Variants in GLT8D2 observed in about 807,000 individuals in gnomAD.
The protein encoded by GLT8D2 is glycosyltransferase 8 domain containing 2.
In GLT8D2, 45 loss-of-function variants were observed where a neutral mutation model predicts 44.5. That is an observed-to-expected ratio of 1.01 (90% CI 0.80 to 1.30). The LOEUF is 1.30. Among genes scored for constraint, GLT8D2 ranks in the 50% most tolerant of loss-of-function variants. The pLI is 0.00. For synonymous variants in GLT8D2, 156 were observed against 157.2 expected (o/e 0.99, Z 0.06); for missense variants, 400 against 430.4 (o/e 0.93, Z 0.62).
At chr12:104,020,857 A>G (rs1877534477) in intron 2 of GLT8D2, among the ~76,000 whole-genome samples, 1 of 152,224 alleles carries the variant, frequency 6.6e-6, no homozygotes, top group South Asian at 2.1e-4. Flanking sequence ...GCTGGATCAT[A>G]GTGGACCAAA....
At position 103,993,466 on chromosome 12, in the gene GLT8D2, G is replaced by A. The variant is rs926245417; in HGVS notation, c.806C>T (p.Ala269Val). ...LYSSSLGGGV[A>V]TSPMLIVFHG... ...AAACACAATCAGCATTGGGGAGGTG[G>A]CCACCCCTCCTCCCAGGGAGCTGCT... is the stretch of plus-strand genomic sequence containing the variant. Residue 269 changes from alanine to valine, a missense_variant, in exon 10 of 11, where the codon GCC (alanine) becomes GTC (valine). By Grantham distance (64) the Ala-to-Val change is moderately conservative. Transcript: ENST00000360814. The A allele has an allele frequency of 6.2e-7, 1 of 1,611,554 alleles. No homozygotes were observed. Among genetic ancestry groups the A allele is most frequent in the Non-Finnish European group, 8.5e-7 (1 of 1,178,874 alleles).
chr12:104,043,475 T>G (rs1455784304), intron 1 of GLT8D2, among the ~76,000 whole-genome samples: 2 of 152,262 alleles, frequency 1.3e-5, no homozygotes, highest in Middle Eastern at 6.8e-3. Flanking sequence ...TAGTTTTTAT[T>G]TTTATTTTTG....
chr12:104,032,459 G>A (rs1879376713), intron 1 of GLT8D2, among the ~76,000 whole-genome samples: 1 of 56,196 alleles, frequency 1.8e-5, no homozygotes, highest in Non-Finnish European at 3.1e-5. Context: ...GGAGTGATGT[G>A]CAATAGCAAA....
Position 103,997,483 on chromosome 12 carries a change from A to T in GLT8D2, c.455T>A (p.Val152Asp). Reference sequence around the variant, plus strand: ...AATTACATCATCGTCCAAATAGATGACTTTCTCGTGTTGGTGGATAAGTAG... The same window carrying T: ...AATTACATCATCGTCCAAATAGATGTCTTTCTCGTGTTGGTGGATAAGTAG... ...LPLLIHQHEK[V>D]IYLDDDVIVQ... The change falls in exon 7 of 11, where the codon GTC becomes GAC. Residue 152 changes from valine (V) to aspartate (D), a missense_variant. Val to Asp is a radical substitution (Grantham distance 152). Transcript: ENST00000360814. The T allele has an allele frequency of 1.2e-6, 2 of 1,613,846 alleles. No individual in the cohort carries two copies. Among genetic ancestry groups the T allele is most frequent in the South Asian group, 2.2e-5 (2 of 91,080 alleles).
intron 4 of GLT8D2, among the ~76,000 whole-genome samples, chr12:104,004,670 C>A (rs911728077): frequency 6.6e-6 from 1 of 152,148 alleles, no homozygotes; most frequent in Admixed American, 6.5e-5. Flanking sequence ...ATCCAACTTA[C>A]GAGAGATGTG....
upstream of GLT8D2, among the ~76,000 whole-genome samples, chr12:104,054,703 G>A (rs1414806533): frequency 6.6e-6 from 1 of 152,076 alleles, no homozygotes; most frequent in African/African-American, 2.4e-5. Context: ...GACATCTGCT[G>A]TCTAGTACTT....
At chr12:104,051,562 T>C (rs920331575), upstream of GLT8D2, among the ~76,000 whole-genome samples, 4 of 152,200 alleles carry the variant, frequency 2.6e-5, no homozygotes, top group Admixed American at 6.5e-5. Flanking sequence ...AATTAGCATA[T>C]CTATAATCTC....
chr12:104,025,074 A>C (rs1452764502), intron 1 of GLT8D2, among the ~76,000 whole-genome samples: 1 of 151,606 alleles, frequency 6.6e-6, no homozygotes, highest in Non-Finnish European at 1.5e-5. Flanking sequence ...TGTCAAAAAA[A>C]AAAAAAAAAA....
At chr12:104,060,395 A>G (rs1356259394) in intron 1 of GLT8D2, among the ~76,000 whole-genome samples, 2 of 152,158 alleles carry the variant, frequency 1.3e-5, no homozygotes, top group African/African-American at 4.8e-5. Flanking sequence ...CCTATTTTAG[A>G]TGCCTCCCTC....
chr12:104,063,551 T>C (rs1350731012), intron 1 of GLT8D2, among the ~76,000 whole-genome samples: 2 of 152,014 alleles, frequency 1.3e-5, no homozygotes, highest in Non-Finnish European at 2.9e-5. Flanking sequence ...AATAAATAAA[T>C]AAAAATAAAG....
chr12:104,003,877 G>A (rs7133472), intron 4 of GLT8D2, among the ~76,000 whole-genome samples: 3 of 152,092 alleles, frequency 2.0e-5, no homozygotes, highest in African/African-American at 2.4e-5. Flanking sequence ...AGAAATTCTC[G>A]AGTTTGCAGG....
chr12:104,060,457 A>T (rs571860878), intron 1 of GLT8D2, among the ~76,000 whole-genome samples: 1 of 152,336 alleles, frequency 6.6e-6, no homozygotes, highest in South Asian at 2.1e-4. Flanking sequence ...CCATTGGATT[A>T]TGTACTTTGT....
rs1323738384 is a variant in GLT8D2 at position 104,021,981 on chromosome 12, G to GA, written c.-163-491dup. Among the ~76,000 whole-genome samples the GA allele has an allele frequency of 1.7e-3, 113 of 66,890 alleles. 23 individuals carry two copies. Among genetic ancestry groups the GA allele is most frequent in the South Asian group, 4.0e-3 (7 of 1,742 alleles). The allele number at this position is 66,890 out of a possible 152,430, so 43.9% of individuals were successfully genotyped here. A position where few individuals can be genotyped will look rare whatever the true frequency, so the allele number is the denominator to read the frequency against. On this transcript the variant is annotated intron_variant, in intron 1 of 10. Transcript: ENST00000360814. ...GGAAGAAGAGGAAGAGGAAGAGGAAGAGGAAGAAGAAGAAGAAGAAGAAGA... is the reference window on the plus strand; with the variant it reads ...GGAAGAAGAGGAAGAGGAAGAGGAAGAAGGAAGAAGAAGAAGAAGAAGAAGA...
chr12:103,994,186 C>G lies in GLT8D2; in HGVS notation c.767+149G>C, dbSNP rs534180610. ...TTTGAGGAAAGGTTTTAATTGACTG[C>G]CCCCTTTTCTTTCTTAACATTGCCT... On this transcript the variant is annotated intron_variant, in intron 9 of 10. Coordinates refer to ENST00000360814, the MANE Select transcript of GLT8D2 (RefSeq NM_001384711.1). 1.0e-5 allele frequency: 6 copies of G among 600,618 alleles called. No individual in the cohort carries two copies. The South Asian group carries it at 1.8e-4, about 18-fold the overall frequency. The allele number at this position is 600,618 out of a possible 1,614,324, so 37.2% of individuals were successfully genotyped here.
intron 1 of GLT8D2, among the ~76,000 whole-genome samples, chr12:104,021,918 GAAGAAGAAGAAGAAGAA>G (rs1877762086): frequency 8.7e-5 from 2 of 23,024 alleles, no homozygotes; most frequent in African/African-American, 3.3e-4. Context: ...AGAAGAAGAA[GAAGAAGAAGAAGAAGAA>G]GAAGAAGAAG....
At position 103,996,900 on chromosome 12, in the gene GLT8D2, A is replaced by G. The variant is rs1259715817; in HGVS notation, c.488-53T>C. 6.2e-6 allele frequency: 8 copies of G among 1,288,712 alleles called. No individual in the cohort carries two copies. In the East Asian group the frequency reaches 6.9e-5, roughly 11 times the overall value. 79.8% of individuals were successfully genotyped at this position (1,288,712 alleles called of 1,614,324 possible). A position where few individuals can be genotyped will look rare whatever the true frequency, so the allele number is the denominator to read the frequency against. The stretch of plus-strand genomic sequence containing the variant: ...ACATTATAGCATTTGTTTTTGGGCT[A>G]GATAGAGCCTTAGAGCTTAAACAGC... On this transcript the variant is annotated intron_variant, in intron 7 of 10. Transcript: ENST00000360814.
At chr12:104,028,067 G>A (rs117560271) in intron 1 of GLT8D2, among the ~76,000 whole-genome samples, 122 of 152,308 alleles carry the variant, frequency 8.0e-4, no homozygotes, top group East Asian at 6.0e-3. Flanking sequence ...ATCTTTCCCC[G>A]TCCAGTGTGT....
intron 1 of GLT8D2, among the ~76,000 whole-genome samples, chr12:104,023,406 A>G (rs1371621828): frequency 6.6e-6 from 1 of 152,218 alleles, no homozygotes; most frequent in Non-Finnish European, 1.5e-5. Flanking sequence ...ACCCAGGGGA[A>G]CACAAATGGT....
intron 4 of GLT8D2, among the ~76,000 whole-genome samples, chr12:104,008,668 A>G (rs900356239): frequency 2.0e-5 from 3 of 152,388 alleles, no homozygotes; most frequent in African/African-American, 4.8e-5. Flanking sequence ...TCCAGGGCAT[A>G]TCAGAGGGCT....
Sources: allele counts gnomAD v4.1 joint callset (sites outside exome capture counted in the v4.1 genomes callset), GRCh38; gene constraint gnomAD v4.1.1; transcripts MANE v1.5; gene names NCBI Gene and HGNC (gene_info 2026-07-23, HGNC 2026-07-21).